Variants in OPCML observed in about 807,000 individuals in gnomAD.
OPCML encodes the protein opioid-binding protein/cell adhesion molecule.
In OPCML, 13 loss-of-function variants were observed where a neutral mutation model predicts 37.8. The observed-to-expected ratio is 0.34, with a 90% CI of 0.22 to 0.55. OPCML has a LOEUF of 0.55. OPCML is among the 20% of genes least tolerant of loss of function. The probability of loss-of-function intolerance (pLI) is 0.91; values close to 1 mark genes in which losing one functional copy is unlikely to be tolerated. For synonymous variants in OPCML, 176 were observed against 168.8 expected, an observed-to-expected ratio of 1.04 and a Z score of -0.33; for missense variants, 341 against 435.6, an observed-to-expected ratio of 0.78 and a Z score of 1.93.
Position 132,416,175 on chromosome 11 carries a change from T to A in OPCML, c.*4018A>T, listed in dbSNP as rs2095937985. 6.6e-6 allele frequency: 1 copy of A among 152,220 alleles called. No homozygotes were observed. Among genetic ancestry groups the A allele is most frequent in the South Asian group, 2.1e-4 (1 of 4,828 alleles). The allele number at this position is 152,220 out of a possible 1,614,324, so 9.4% of individuals were successfully genotyped here. ...GCTGCTTCCCTTAATTCCAAAGGGA[T>A]TGACAATTTGCTTTTGTGTGTGTGT... is the stretch of plus-strand genomic sequence containing the variant. On this transcript the variant is annotated 3_prime_UTR_variant, in exon 8 of 8. Transcript: ENST00000524381.
At chr11:133,093,989 G>T (rs1438103919) in intron 1 of OPCML, among the ~76,000 whole-genome samples, 1 of 151,978 alleles carries the variant, frequency 6.6e-6, no homozygotes, top group Non-Finnish European at 1.5e-5. Flanking sequence ...TTGTCTATGT[G>T]GTTTATTTTT....
chr11:133,293,996 C>T (rs527939893), intron 1 of OPCML, among the ~76,000 whole-genome samples: 6 of 151,322 alleles, frequency 4.0e-5, no homozygotes, highest in Non-Finnish European at 8.8e-5. Context: ...CACTTTCAAA[C>T]TTCTCTTAGT....
intron 2 of OPCML, among the ~76,000 whole-genome samples, chr11:132,824,023 C>A (rs1391957651): frequency 6.6e-6 from 1 of 152,182 alleles, no homozygotes; most frequent in Non-Finnish European, 1.5e-5. Context: ...GGGTTCAATC[C>A]TGAAACTCTT....
chr11:133,189,069 C>T (rs900812860), intron 1 of OPCML, among the ~76,000 whole-genome samples: 12 of 152,182 alleles, frequency 7.9e-5, no homozygotes, highest in African/African-American at 2.9e-4. Context: ...TCCCCATTCT[C>T]TCTCTGGTTA....
intron 7 of OPCML, among the ~76,000 whole-genome samples, chr11:132,421,906 G>A (rs2095960593): frequency 6.6e-6 from 1 of 152,064 alleles, no homozygotes; most frequent in African/African-American, 2.4e-5. Flanking sequence ...TCTACATATT[G>A]TCTTTGAAAG....
At chr11:132,779,430 C>T (rs533848382) in intron 2 of OPCML, among the ~76,000 whole-genome samples, 48 of 152,208 alleles carry the variant, frequency 3.2e-4, no homozygotes, top group African/African-American at 1.1e-3. Flanking sequence ...GGGGTCCCTG[C>T]ACTCCCTGAA....
chr11:132,649,276 T>C (rs1941311768), intron 3 of OPCML, among the ~76,000 whole-genome samples: 1 of 152,124 alleles, frequency 6.6e-6, no homozygotes, highest in Non-Finnish European at 1.5e-5. Context: ...CTGTTTTTTT[T>C]TCTTTTTTTA....
At position 133,434,052 on chromosome 11, in the gene OPCML, T is replaced by A; in HGVS notation, c.61+98212A>T. On this transcript the variant is annotated intron_variant, in intron 1 of 7. Coordinates refer to ENST00000524381, the MANE Select transcript of OPCML (RefSeq NM_001012393.5). ...ACTTTAAATATATTTTTCATAGTATTTCTAAACACACTGGGATTATTTCTG... is the reference window on the plus strand; with the variant it reads ...ACTTTAAATATATTTTTCATAGTATATCTAAACACACTGGGATTATTTCTG... Among the ~76,000 whole-genome samples, 5 of 152,366 alleles carry A rather than the reference T, an allele frequency of 3.3e-5. 1 individual carries two copies. The highest frequency in any genetic ancestry group is 6.8e-3 in the Middle Eastern group (2 of 294).
chr11:133,325,680 A>G (rs959592269), intron 1 of OPCML, among the ~76,000 whole-genome samples: 2 of 152,204 alleles, frequency 1.3e-5, no homozygotes, highest in Non-Finnish European at 2.9e-5. Flanking sequence ...AGGAAATCTG[A>G]TCAAGTTACT....
Position 133,332,897 on chromosome 11 carries a change from G to A in OPCML, c.61+199367C>T, listed in dbSNP as rs77006018. Among the ~76,000 whole-genome samples the A allele has an allele frequency of 1.1e-3, 167 of 152,132 alleles. 1 individual carries two copies. Among genetic ancestry groups the A allele is most frequent in the African/African-American group, 3.7e-3 (155 of 41,492 alleles). On this transcript the variant is annotated intron_variant, in intron 1 of 7. Coordinates refer to ENST00000524381, the MANE Select transcript of OPCML (RefSeq NM_001012393.5). ...ACAAAACTAAGGAATCATGTTACCC[G>A]ACTTCAAACGATACTACAAGACTAC... is the stretch of plus-strand genomic sequence containing the variant.
At chr11:133,371,485 T>A (rs1459327748) in intron 1 of OPCML, among the ~76,000 whole-genome samples, 1 of 152,184 alleles carries the variant, frequency 6.6e-6, no homozygotes, top group Non-Finnish European at 1.5e-5. Context: ...GGGAGGGAAC[T>A]GATGGGAGGT....
At chr11:132,745,914 C>T (rs1784175) in intron 2 of OPCML, among the ~76,000 whole-genome samples, 22,576 of 152,098 alleles carry the variant, frequency 0.15, 1,823 homozygotes, top group African/African-American at 0.18. Flanking sequence ...AGAGATGGGC[C>T]TGCATAGCGG....
intron 2 of OPCML, among the ~76,000 whole-genome samples, chr11:132,719,987 C>T (rs1313005043): frequency 6.6e-6 from 1 of 152,156 alleles, no homozygotes. Context: ...GCTTCTGCTC[C>T]CTGGATCCAC....
At chr11:132,894,888 C>A (rs1321419005) in intron 2 of OPCML, among the ~76,000 whole-genome samples, 1 of 152,302 alleles carries the variant, frequency 6.6e-6, no homozygotes, top group East Asian at 1.9e-4. Flanking sequence ...CCAGGATCCC[C>A]AGCATGTAGA....
chr11:132,861,874 A>G (rs932645469), intron 2 of OPCML, among the ~76,000 whole-genome samples: 16 of 151,296 alleles, frequency 1.1e-4, no homozygotes, highest in African/African-American at 3.9e-4. Flanking sequence ...TGTTTTTTTA[A>G]TTTTACTCTC....
chr11:133,186,215 T>A (rs75372334), intron 1 of OPCML, among the ~76,000 whole-genome samples: 6,153 of 152,282 alleles, frequency 0.04, 202 homozygotes, highest in African/African-American at 0.095. Flanking sequence ...TGCAAAAGAA[T>A]CTGCTGTGGG....
chr11:133,312,811 T>A (rs1943096855), intron 1 of OPCML, among the ~76,000 whole-genome samples: 1 of 152,224 alleles, frequency 6.6e-6, no homozygotes, highest in Non-Finnish European at 1.5e-5. Context: ...TAAAAAGTAA[T>A]ATAAACAGTC....
At chr11:132,967,230 A>C (rs1029310499) in intron 1 of OPCML, among the ~76,000 whole-genome samples, 1 of 152,078 alleles carries the variant, frequency 6.6e-6, no homozygotes. Context: ...AACTTATCAG[A>C]ATCTACTTCA....
intron 3 of OPCML, among the ~76,000 whole-genome samples, chr11:132,585,238 T>C (rs1200744542): frequency 6.6e-6 from 1 of 152,016 alleles, no homozygotes; most frequent in Non-Finnish European, 1.5e-5. Flanking sequence ...CAAATTCTAC[T>C]GGGAAGTAGC....
Sources: allele counts gnomAD v4.1 joint callset (sites outside exome capture counted in the v4.1 genomes callset), GRCh38; gene constraint gnomAD v4.1.1; transcripts MANE v1.5; gene names NCBI Gene and HGNC (gene_info 2026-07-23, HGNC 2026-07-21).